TRHDE: variants seen among roughly 807,000 people sequenced by gnomAD.
TRHDE encodes thyrotropin-releasing hormone-degrading ectoenzyme.
A neutral mutation model predicts 125.7 loss-of-function variants in TRHDE; 72 were observed. The observed-to-expected ratio is 0.57, with a 90% CI of 0.47 to 0.70. The LOEUF (loss-of-function observed/expected upper bound fraction) is 0.70, where lower values mean the gene tolerates loss of function less well. TRHDE is among the 30% of genes least tolerant of loss of function. The probability of loss-of-function intolerance (pLI) is 0.00; values close to 1 mark genes in which losing one functional copy is unlikely to be tolerated. For missense variants in TRHDE, 1,110 were observed against 1,327.1 expected, an observed-to-expected ratio of 0.84 and a Z score of 2.54; for synonymous variants, 509 against 509.1, an observed-to-expected ratio of 1.00 and a Z score of 0.00.
intron 3 of TRHDE, among the ~76,000 whole-genome samples, chr12:72,422,856 G>A (rs765606513): frequency 2.6e-4 from 40 of 152,234 alleles, no homozygotes; most frequent in Admixed American, 5.9e-4. Flanking sequence ...GCTTGTGGGA[G>A]TGGCTTCTCA....
intron 2 of TRHDE, among the ~76,000 whole-genome samples, chr12:72,339,621 C>A (rs1004015922): frequency 6.6e-6 from 1 of 152,104 alleles, no homozygotes; most frequent in African/African-American, 2.4e-5. Flanking sequence ...TGATTTTATT[C>A]CTTCTGCCTG....
chr12:72,654,665 T>C (rs1874637001), intron 17 of TRHDE, among the ~76,000 whole-genome samples: 1 of 152,140 alleles, frequency 6.6e-6, no homozygotes, highest in Non-Finnish European at 1.5e-5. Context: ...CACCAATTGC[T>C]CAAGCCCAAC....
intron 6 of TRHDE, among the ~76,000 whole-genome samples, chr12:72,535,086 T>C (rs7295898): frequency 0.23 from 35,476 of 151,842 alleles, 5,714 homozygotes; most frequent in East Asian, 0.49. Flanking sequence ...ATGATATCAA[T>C]ACCTATATAC....
At chr12:72,661,110 A>C (rs1874900589) in intron 18 of TRHDE, among the ~76,000 whole-genome samples, 1 of 152,184 alleles carries the variant, frequency 6.6e-6, no homozygotes, top group Non-Finnish European at 1.5e-5. Context: ...GGGAGTATTT[A>C]CTGCACTTAA....
At position 72,272,775 on chromosome 12, in the gene TRHDE, C is replaced by G; in HGVS notation, c.132C>G (p.Ala44=). The G allele has an allele frequency of 1.9e-6, 3 of 1,548,808 alleles. No individual in the cohort carries two copies. Among genetic ancestry groups the G allele is most frequent in the South Asian group, 1.2e-5 (1 of 84,988 alleles). Reference sequence around the variant, plus strand: ...AGAAGAGCAGCTCACCCTTCGCAGCCGCGATGGGGGAAGACGACGCCGCGC... The same window carrying G: ...AGAAGAGCAGCTCACCCTTCGCAGCGGCGATGGGGGAAGACGACGCCGCGC... The part of the protein sequence containing the change: ...GAEKSSSPFA[A]AMGEDDAALR... The change falls in exon 1 of 19, where the codon GCC becomes GCG. Residue 44 remains alanine, a synonymous_variant. Transcript: ENST00000261180. This position sits in a 1 kb window ranked among gnomAD's most constrained non-coding sequence, Gnocchi z 6.7.
chr12:72,099,272 G>A (rs1486573270), intron 1 of TRHDE, among the ~76,000 whole-genome samples: 62 of 152,138 alleles, frequency 4.1e-4, no homozygotes, highest in Non-Finnish European at 1.5e-4. Context: ...AGGGTAAAGT[G>A]GTGTGCTACT....
chr12:72,381,156 G>T (rs1009609544), intron 3 of TRHDE, among the ~76,000 whole-genome samples: 1 of 152,070 alleles, frequency 6.6e-6, no homozygotes, highest in African/African-American at 2.4e-5. Context: ...AGCTGATACT[G>T]CTAACCATCC....
At chr12:72,380,734 G>C (rs78297335) in intron 3 of TRHDE, among the ~76,000 whole-genome samples, 2,110 of 81,744 alleles carry the variant, frequency 0.026, 49 homozygotes, top group African/African-American at 0.082. Flanking sequence ...TTCCTTCCTT[G>C]CTTCCTTCCT....
chr12:72,543,697 A>T (rs1307512473), intron 7 of TRHDE, among the ~76,000 whole-genome samples: 1 of 151,232 alleles, frequency 6.6e-6, no homozygotes, highest in Non-Finnish European at 1.5e-5. Context: ...CATTTTCTGT[A>T]TAAAATTCTT....
chr12:72,438,706 A>G (rs1339327397), intron 3 of TRHDE, among the ~76,000 whole-genome samples: 1 of 151,728 alleles, frequency 6.6e-6, no homozygotes, highest in African/African-American at 2.4e-5. Context: ...GTTTGCAAAT[A>G]TTTTTGCAAA....
chr12:72,661,213 T>C (rs1874904295), intron 18 of TRHDE, among the ~76,000 whole-genome samples: 1 of 152,180 alleles, frequency 6.6e-6, no homozygotes, highest in Admixed American at 6.5e-5. Context: ...ACTATCTCTC[T>C]GTCAATAAAC....
At chr12:72,160,038 A>T (rs1482564523) in intron 2 of TRHDE, among the ~76,000 whole-genome samples, 1 of 152,100 alleles carries the variant, frequency 6.6e-6, no homozygotes, top group Non-Finnish European at 1.5e-5. Context: ...TCTACCATTC[A>T]TGCCATGCTT....
chr12:72,257,585 T>C (rs1878848283), intron 2 of TRHDE: 2 of 152,204 alleles, frequency 1.3e-5, no homozygotes, highest in South Asian at 4.1e-4. Context: ...ATAACTTGGG[T>C]CATTGTTTCT....
chr12:72,570,448 G>A (rs11179253), intron 10 of TRHDE, among the ~76,000 whole-genome samples: 40,339 of 151,588 alleles, frequency 0.27, 8,099 homozygotes, highest in African/African-American at 0.54. Flanking sequence ...GGGCATGGTG[G>A]TGGGCACCTA....
At chr12:72,161,671 T>G (rs1313673816) in intron 2 of TRHDE, among the ~76,000 whole-genome samples, 1 of 152,188 alleles carries the variant, frequency 6.6e-6, no homozygotes, top group Non-Finnish European at 1.5e-5. Context: ...GATAAGCTTT[T>G]TAGATTTGAG....
Position 72,665,830 on chromosome 12 carries a change from G to A in TRHDE, c.*2635G>A, listed in dbSNP as rs144549594. 250 of 152,012 alleles carry A rather than the reference G, an allele frequency of 1.6e-3. No homozygotes were observed. The highest frequency in any genetic ancestry group is 5.5e-3 in the African/African-American group (229 of 41,502). 9.4% of individuals were successfully genotyped at this position (152,012 alleles called of 1,614,324 possible). On this transcript the variant is annotated 3_prime_UTR_variant, in exon 19 of 19. Coordinates refer to ENST00000261180, the MANE Select transcript of TRHDE (RefSeq NM_013381.3). Reference sequence around the variant, plus strand: ...AGTATTAAACATTTCCAGGTAACTCGTAAATAAAAAGATTTCCCCATTTTT... The same window carrying A: ...AGTATTAAACATTTCCAGGTAACTCATAAATAAAAAGATTTCCCCATTTTT...
At chr12:72,479,659 T>C (rs1351852371) in intron 5 of TRHDE, among the ~76,000 whole-genome samples, 2 of 148,674 alleles carry the variant, frequency 1.3e-5, no homozygotes, top group Non-Finnish European at 3.0e-5. Context: ...TTTTTTTTAA[T>C]TTTTATTTTA....
chr12:72,296,880 C>T (rs759375851), intron 2 of TRHDE, among the ~76,000 whole-genome samples: 5 of 152,004 alleles, frequency 3.3e-5, no homozygotes, highest in Non-Finnish European at 7.4e-5. Context: ...TGTTTTTAAG[C>T]GTGCTAGTTA....
intron 2 of TRHDE, among the ~76,000 whole-genome samples, chr12:72,240,313 A>G (rs1878451209): frequency 6.8e-6 from 1 of 147,690 alleles, no homozygotes; most frequent in African/African-American, 2.5e-5. Context: ...TTTTATATAT[A>G]TATATATATA....
Sources: gnomAD v4.1 joint callset for allele counts (sites outside exome capture counted in the v4.1 genomes callset) on GRCh38, gnomAD v4.1.1 for gene constraint, Gnocchi (gnomAD v3.1) non-coding constraint, MANE v1.5 for transcripts, NCBI Gene and HGNC (gene_info 2026-07-23, HGNC 2026-07-21) for gene names.